Variants in RNF6 observed in about 807,000 individuals in gnomAD.
RNF6 encodes ring finger protein 6, also known as E3 ubiquitin-protein ligase RNF6.
A neutral mutation model predicts 50.1 loss-of-function variants in RNF6; 21 were observed. The observed-to-expected ratio is 0.42, with a 90% CI of 0.30 to 0.60. RNF6 has a LOEUF of 0.60. RNF6 is among the 20% of genes least tolerant of loss of function. The probability of loss-of-function intolerance (pLI) is 0.20; values close to 1 mark genes in which losing one functional copy is unlikely to be tolerated. For missense variants in RNF6, 698 were observed against 838.2 expected (o/e 0.83, Z 2.07); for synonymous variants, 255 against 291.8 (o/e 0.87, Z 1.29).
chr13:26,203,017 T>C (rs1868953825), intron 5 of RNF6, among the ~76,000 whole-genome samples: 1 of 152,242 alleles, frequency 6.6e-6, no homozygotes, highest in Non-Finnish European at 1.5e-5. Flanking sequence ...GTGATTGTTA[T>C]TTATATTTTA....
intron 5 of RNF6, among the ~76,000 whole-genome samples, chr13:26,138,895 C>T (rs1870786546): frequency 6.6e-6 from 1 of 152,176 alleles, no homozygotes. Flanking sequence ...TTTTAAACCA[C>T]CGTAAATTAA....
At chr13:26,134,728 G>A (rs1870562484) in intron 5 of RNF6, among the ~76,000 whole-genome samples, 1 of 152,044 alleles carries the variant, frequency 6.6e-6, no homozygotes, top group Non-Finnish European at 1.5e-5. Flanking sequence ...GAAAAATGGG[G>A]AAAAGTATAT....
upstream of RNF6, chr13:26,222,472 G>C (rs1413718341): frequency 1.3e-5 from 2 of 152,324 alleles, no homozygotes; most frequent in Non-Finnish European, 2.9e-5. Context: ...TCCAGGCTTG[G>C]GAAGTCCCAG....
intron 5 of RNF6, among the ~76,000 whole-genome samples, chr13:26,172,530 T>C (rs1166883269): frequency 6.9e-6 from 1 of 144,188 alleles, no homozygotes; most frequent in African/African-American, 2.5e-5. Context: ...GCAAGCCACA[T>C]ACTTCTAGAA....
intron 5 of RNF6, among the ~76,000 whole-genome samples, chr13:26,133,065 A>T (rs1018092956): frequency 6.6e-6 from 1 of 152,198 alleles, no homozygotes; most frequent in Non-Finnish European, 1.5e-5. Flanking sequence ...ACAGACAGAG[A>T]AGAGGCAGAT....
chr13:26,222,973 C>A (rs77030346), upstream of RNF6, among the ~76,000 whole-genome samples: 1 of 152,114 alleles, frequency 6.6e-6, no homozygotes, highest in Non-Finnish European at 1.5e-5. Context: ...AACATTCCTC[C>A]CTCTGATTTT....
chr13:26,142,501 A>C (rs1258439424), intron 5 of RNF6: 3 of 152,234 alleles, frequency 2.0e-5, no homozygotes, highest in Admixed American at 6.5e-5. Context: ...GACTGGATAA[A>C]GAAAATGTGG....
chr13:26,132,549 G>T, intron 5 of RNF6: 1 of 399,800 alleles, frequency 2.5e-6, no homozygotes, highest in Non-Finnish European at 5.0e-6. Context: ...GATTATGATA[G>T]TATCTAAAAA....
At chr13:26,153,375 G>A (rs60472311) in intron 5 of RNF6, among the ~76,000 whole-genome samples, 20,091 of 151,690 alleles carry the variant, frequency 0.13, 1,692 homozygotes, top group Admixed American at 0.2. Context: ...CACCACGTCC[G>A]GCTAATTTTT....
chr13:26,175,127 C>T (rs191618098), intron 5 of RNF6, among the ~76,000 whole-genome samples: 2 of 152,286 alleles, frequency 1.3e-5, no homozygotes, highest in East Asian at 3.9e-4. Flanking sequence ...GTCACCCAGG[C>T]TGGAGTGCAA....
chr13:26,155,025 G>C (rs1361066729), intron 5 of RNF6, among the ~76,000 whole-genome samples: 3 of 150,374 alleles, frequency 2.0e-5, no homozygotes. Context: ...GCCAGATTCT[G>C]CCTGAAAAAA....
intron 5 of RNF6, among the ~76,000 whole-genome samples, chr13:26,183,149 A>G (rs61558413): frequency 3.3e-5 from 5 of 152,220 alleles, no homozygotes; most frequent in Non-Finnish European, 7.3e-5. Flanking sequence ...ATGCTGTTCT[A>G]TAGAAATCTG....
intron 2 of RNF6, among the ~76,000 whole-genome samples, chr13:26,220,851 C>T (rs1870408786): frequency 6.6e-6 from 1 of 152,218 alleles, no homozygotes; most frequent in Admixed American, 6.5e-5. Flanking sequence ...AATAAGCAAG[C>T]TGCTTTAAAT....
At chr13:26,146,721 G>C (rs1260416076) in intron 5 of RNF6, among the ~76,000 whole-genome samples, 2 of 152,136 alleles carry the variant, frequency 1.3e-5, no homozygotes, top group Admixed American at 1.3e-4. Context: ...CCAGTAGCTA[G>C]AACCCTTTAT....
chr13:26,169,444 G>T (rs1363304733), intron 5 of RNF6, among the ~76,000 whole-genome samples: 1 of 152,126 alleles, frequency 6.6e-6, no homozygotes, highest in Non-Finnish European at 1.5e-5. Flanking sequence ...AGCCATTAAG[G>T]TCCCCTCAGC....
intron 5 of RNF6, among the ~76,000 whole-genome samples, chr13:26,204,123 A>G (rs1277679601): frequency 6.6e-6 from 1 of 151,998 alleles, no homozygotes; most frequent in Non-Finnish European, 1.5e-5. Flanking sequence ...TGTTTCCCCA[A>G]TAAATTTCCT....
intron 3 of RNF6, 174 bp downstream of exon 3, chr13:26,219,283 C>T (rs1870222978): frequency 1.8e-6 from 1 of 546,584 alleles, no homozygotes; most frequent in Admixed American, 3.4e-5. Context: ...TTATAAAATA[C>T]AGAAGCCAGT....
downstream of RNF6, among the ~76,000 whole-genome samples, chr13:26,211,653 G>A (rs1459423098): frequency 6.6e-6 from 1 of 152,118 alleles, no homozygotes; most frequent in Non-Finnish European, 1.5e-5. Context: ...TGCTACTCCG[G>A]AGGCTGAGGC....
chr13:26,214,200 C>G lies in RNF6; in HGVS notation c.1682G>C (p.Arg561Pro). 2 of 1,614,162 alleles carry G rather than the reference C, an allele frequency of 1.2e-6. No homozygotes were observed. The highest frequency in any genetic ancestry group is 1.3e-5 in the African/African-American group (1 of 75,024). The part of the protein sequence containing the change: ...GENETTQPHT[R>P]NSDSRGGRQL... ...CCTGCCACCCCTACTGTCACTGTTT[C>G]GAGTATGAGGCTGGGTGGTCTCGTT... The change falls in exon 5 of 5, where the codon CGA (arginine) becomes CCA (proline). Residue 561 changes from arginine (R) to proline (P), a missense_variant. By Grantham distance (103) the Arg-to-Pro change is moderately radical (BLOSUM62 -2). Transcript: ENST00000381588.
Sources: gnomAD v4.1 joint callset for allele counts (sites outside exome capture counted in the v4.1 genomes callset) on GRCh38, gnomAD v4.1.1 for gene constraint, MANE v1.5 for transcripts, NCBI Gene and HGNC (gene_info 2026-07-23, HGNC 2026-07-21) for gene names.